KLF12: variants seen among roughly 807,000 people sequenced by gnomAD.
The protein encoded by KLF12 is KLF transcription factor 12.
In KLF12, 9 loss-of-function variants were observed where a neutral mutation model predicts 37.8. The ratio of observed to expected loss-of-function variants is 0.24; its 90% CI spans 0.14 to 0.42. The LOEUF is 0.42. KLF12 is among the 10% of genes least tolerant of loss of function. The pLI is 1.00. For synonymous variants in KLF12, 208 were observed against 202.1 expected, an observed-to-expected ratio of 1.03 and a Z score of -0.25; for missense variants, 411 against 516.0, an observed-to-expected ratio of 0.80 and a Z score of 1.97.
At chr13:73,988,530 A>C (rs975347665) in intron 2 of KLF12, among the ~76,000 whole-genome samples, 2 of 152,224 alleles carry the variant, frequency 1.3e-5, no homozygotes, top group African/African-American at 4.8e-5. Context: ...GAAGTTGCCA[A>C]CATTCTGTAA....
the KLF12 span, among the ~76,000 whole-genome samples, chr13:74,146,587 C>A: frequency 2.0e-3 from 297 of 152,256 alleles, 1 homozygote; most frequent in African/African-American, 6.5e-3. Flanking sequence ...TTTTAAAAAA[C>A]AGTCTTAATT....
chr13:73,738,810 A>G (rs1401051456), intron 6 of KLF12, among the ~76,000 whole-genome samples: 1 of 152,190 alleles, frequency 6.6e-6, no homozygotes, highest in East Asian at 1.9e-4. Context: ...ACTGCCGGCC[A>G]TCTGTTGAGG....
chr13:74,191,162 C>T, the KLF12 span, among the ~76,000 whole-genome samples: 3 of 152,114 alleles, frequency 2.0e-5, no homozygotes, highest in Non-Finnish European at 4.4e-5. Context: ...TAATGAATTC[C>T]CCTTTCAAAG....
chr13:74,037,904 G>T (rs747559119), intron 1 of KLF12, among the ~76,000 whole-genome samples: 12 of 152,132 alleles, frequency 7.9e-5, no homozygotes, highest in Non-Finnish European at 1.5e-4. Flanking sequence ...TAAAGCACAA[G>T]GTCAGGATGA....
chr13:74,187,133 G>T, the KLF12 span, among the ~76,000 whole-genome samples: 6 of 152,168 alleles, frequency 3.9e-5, no homozygotes, highest in African/African-American at 1.4e-4. Flanking sequence ...GCAGACAACA[G>T]CCTGGGCAAC....
chr13:74,004,961 T>A (rs1443815755), intron 1 of KLF12, among the ~76,000 whole-genome samples: 1 of 152,032 alleles, frequency 6.6e-6, no homozygotes, highest in Admixed American at 6.5e-5. Context: ...GGAATTTAAC[T>A]TTCACTTCAC....
At chr13:73,779,462 C>G (rs1296447071) in intron 5 of KLF12, among the ~76,000 whole-genome samples, 8 of 152,190 alleles carry the variant, frequency 5.3e-5, no homozygotes. Context: ...CATCCATGTG[C>G]TGGGAGGATG....
intron 5 of KLF12, among the ~76,000 whole-genome samples, chr13:73,769,644 ATCT>A (rs1195629287): frequency 6.6e-6 from 1 of 152,106 alleles, no homozygotes; most frequent in African/African-American, 2.4e-5. Context: ...CCAGCCTTAG[ATCT>A]TCTCTGAAAA....
upstream of KLF12, among the ~76,000 whole-genome samples, chr13:74,134,038 G>A (rs1340541817): frequency 6.6e-6 from 1 of 152,050 alleles, no homozygotes; most frequent in Admixed American, 6.6e-5. Flanking sequence ...TGCGAGCCCC[G>A]GTCTAGTGTG....
At chr13:74,079,193 A>G (rs1009799361) in intron 1 of KLF12, among the ~76,000 whole-genome samples, 3 of 138,500 alleles carry the variant, frequency 2.2e-5, no homozygotes, top group Admixed American at 7.3e-5. Context: ...TCAAATTCGT[A>G]GAGACACAAA....
intron 1 of KLF12, among the ~76,000 whole-genome samples, chr13:74,107,079 T>G (rs545831739): frequency 6.6e-6 from 1 of 152,004 alleles, no homozygotes; most frequent in South Asian, 2.1e-4. Flanking sequence ...TCCCCACAGA[T>G]GGCGCTTGTC....
chr13:73,749,576 C>T (rs1878606649), intron 6 of KLF12, among the ~76,000 whole-genome samples: 1 of 152,140 alleles, frequency 6.6e-6, no homozygotes, highest in African/African-American at 2.4e-5. Flanking sequence ...TAAGCTTTTA[C>T]TAATCAAGCT....
chr13:73,979,176 T>C (rs1223266353), intron 2 of KLF12, among the ~76,000 whole-genome samples: 1 of 152,174 alleles, frequency 6.6e-6, no homozygotes, highest in Non-Finnish European at 1.5e-5. Flanking sequence ...TGGGTGATAA[T>C]GATACCTCAA....
chr13:74,205,027 T>C, the KLF12 span, among the ~76,000 whole-genome samples: 6 of 152,150 alleles, frequency 3.9e-5, no homozygotes, highest in Admixed American at 6.6e-5. Flanking sequence ...TACTCTTTAT[T>C]GTTATATTTA....
At chr13:73,989,760 G>T (rs987139793) in intron 2 of KLF12, among the ~76,000 whole-genome samples, 1 of 152,134 alleles carries the variant, frequency 6.6e-6, no homozygotes, top group Admixed American at 6.5e-5. Flanking sequence ...CATGAGAACT[G>T]CAGGTAAAAG....
chr13:74,228,567 A>T, the KLF12 span, among the ~76,000 whole-genome samples: 1 of 152,158 alleles, frequency 6.6e-6, no homozygotes, highest in Non-Finnish European at 1.5e-5. Context: ...CACAGAAATC[A>T]GTAGCAGAGC....
the KLF12 span, among the ~76,000 whole-genome samples, chr13:74,239,160 C>G: frequency 6.8e-6 from 1 of 148,046 alleles, no homozygotes; most frequent in Non-Finnish European, 1.5e-5. Context: ...TCGTTGGTTT[C>G]AAAGAACATC....
At chr13:74,174,935 T>C in the KLF12 span, among the ~76,000 whole-genome samples, 1 of 152,200 alleles carries the variant, frequency 6.6e-6, no homozygotes. Context: ...TCAGAGGATA[T>C]GTGGTCAGTA....
the KLF12 span, among the ~76,000 whole-genome samples, chr13:74,251,869 T>C: frequency 1.3e-5 from 2 of 152,210 alleles, no homozygotes; most frequent in Non-Finnish European, 2.9e-5. Context: ...CTGCATGACT[T>C]AAGACAGCAA....
Sources: allele counts gnomAD v4.1 joint callset (sites outside exome capture counted in the v4.1 genomes callset), GRCh38; gene constraint gnomAD v4.1.1; transcripts MANE v1.5; gene names NCBI Gene and HGNC (gene_info 2026-07-23, HGNC 2026-07-21).